TCERG1: variants seen among roughly 807,000 people sequenced by gnomAD.
TCERG1 encodes TATA box binding protein (TBP)-associated factor, RNA polymerase II, S, 150kD.
In TCERG1, 37 loss-of-function variants were observed where a neutral mutation model predicts 144.7. The ratio of observed to expected loss-of-function variants is 0.26; its 90% CI spans 0.20 to 0.34. The LOEUF is 0.34. Ranked by LOEUF, TCERG1 falls within the 10% of genes least tolerant of loss-of-function variation. TCERG1 has a pLI of 1.00. For missense variants in TCERG1, 1,027 were observed against 1,380.7 expected (o/e 0.74, Z 4.06); for synonymous variants, 492 against 458.2 (o/e 1.07, Z -0.94).
intron 17 of TCERG1, among the ~76,000 whole-genome samples, chr5:146,501,741 A>G (rs182072303): frequency 1.3e-5 from 2 of 152,282 alleles, no homozygotes; most frequent in Admixed American, 1.3e-4. Flanking sequence ...GTTTATGAGT[A>G]TTTCTTATTA....
intron 5 of TCERG1, among the ~76,000 whole-genome samples, chr5:146,465,514 T>A (rs1032548079): frequency 2.0e-5 from 3 of 152,198 alleles, no homozygotes; most frequent in African/African-American, 7.2e-5. Context: ...TATGATGACA[T>A]ATTTTGATGT....
intron 15 of TCERG1, among the ~76,000 whole-genome samples, chr5:146,486,935 C>A (rs528157517): frequency 6.6e-6 from 1 of 151,946 alleles, no homozygotes; most frequent in Non-Finnish European, 1.5e-5. Flanking sequence ...ACTAAAAATA[C>A]AAAAATTAGC....
chr5:146,491,551 A>G (rs913375544), intron 15 of TCERG1, among the ~76,000 whole-genome samples: 4 of 152,144 alleles, frequency 2.6e-5, no homozygotes, highest in African/African-American at 9.7e-5. Flanking sequence ...TAGGCTGGTC[A>G]GATTCCCAAT....
intron 9 of TCERG1, among the ~76,000 whole-genome samples, chr5:146,472,415 T>G (rs1340907956): frequency 1.3e-5 from 2 of 152,188 alleles, no homozygotes; most frequent in Non-Finnish European, 2.9e-5. Flanking sequence ...ATTTCAAACT[T>G]TTTCATTATT....
chr5:146,492,817 A>AT, intron 15 of TCERG1, 103 bp from the exon 16 acceptor site: 1 of 778,756 alleles, frequency 1.3e-6, no homozygotes, highest in East Asian at 2.8e-5. Context: ...CAGTTAATAT[A>AT]TTTTTCCTGG....
chr5:146,460,823 A>G (rs1273493189), intron 4 of TCERG1, among the ~76,000 whole-genome samples: 1 of 152,144 alleles, frequency 6.6e-6, no homozygotes, highest in African/African-American at 2.4e-5. Flanking sequence ...GTGAATTTTG[A>G]TATGAAAGTA....
chr5:146,510,594 AC>A lies in TCERG1; in HGVS notation c.3305del (p.Pro1102HisfsTer42). ...TTGATGACCTGGATCGCCGGGGTCC[AC>A]CCCCACCTCCCACAGCATCGGAGCC... The part of the protein sequence containing the change: ...YVDDLDRRGP[P>X]PPPTASEPTR... On this transcript the variant is annotated frameshift_variant, in exon 23 of 23. Coordinates refer to ENST00000679501, the MANE Select transcript of TCERG1 (RefSeq NM_001382548.1). LOFTEE classifies it high-confidence loss of function. The A allele has an allele frequency of 6.2e-7, 1 of 1,614,052 alleles. No homozygotes were observed. Among genetic ancestry groups the A allele is most frequent in the Non-Finnish European group, 8.5e-7 (1 of 1,180,010 alleles).
chr5:146,480,745 G>C (rs1158216969), intron 12 of TCERG1, among the ~76,000 whole-genome samples: 1 of 152,004 alleles, frequency 6.6e-6, no homozygotes, highest in Non-Finnish European at 1.5e-5. Context: ...TATCTGAAAA[G>C]GACAGATTGA....
chr5:146,510,122 G>A, intron 22 of TCERG1: 1 of 1,303,634 alleles, frequency 7.7e-7, no homozygotes, highest in African/African-American at 1.5e-5. Flanking sequence ...GGGATTGGCA[G>A]CCCCGCAGAC....
At position 146,459,988 on chromosome 5, in the gene TCERG1, G is replaced by T. The variant is rs367779812; in HGVS notation, c.892+651G>T. Among the ~76,000 whole-genome samples, 28 of 152,282 alleles carry T rather than the reference G, an allele frequency of 1.8e-4. No homozygotes were observed. In the South Asian group the frequency reaches 5.6e-3, roughly 30 times the overall value. ...TAGGTGAGACAGGCACTGGGGGCCT[G>T]TATAAATGCAGTATTTTGGAGGATT... On this transcript the variant is annotated intron_variant, in intron 4 of 22. Coordinates refer to ENST00000679501, the MANE Select transcript of TCERG1 (RefSeq NM_001382548.1).
In TCERG1 at chr5:146,458,998, G is replaced by A; in HGVS notation, c.553G>A (p.Ala185Thr). The A allele has an allele frequency of 6.2e-7, 1 of 1,613,098 alleles. No homozygotes were observed. The highest frequency in any genetic ancestry group is 8.5e-7 in the Non-Finnish European group (1 of 1,179,212). ...GCTTGCAGCCCAGGCACAGGTTCAG[G>A]CTCAGGCCCAGGCGCAGGCTCAGGC... ...PMLAAQAQVQ[A>T]QAQAQAQAQA... The change falls in exon 4 of 23, where the codon GCT becomes ACT. Residue 185 changes from alanine to threonine, a missense_variant. Around this residue, in one of 6 missense-constraint regions of TCERG1, gnomAD observed 48 missense variants for 80.9 expected, o/e 0.59. Coordinates refer to ENST00000679501, the MANE Select transcript of TCERG1 (RefSeq NM_001382548.1).
intron 13 of TCERG1, chr5:146,482,215 A>C (rs1176382374): frequency 6.5e-6 from 1 of 153,884 alleles, no homozygotes; most frequent in Non-Finnish European, 1.4e-5. Context: ...CTATATTTCA[A>C]GAACTAAAAA....
chr5:146,501,049 A>G (rs1767391131), intron 17 of TCERG1, among the ~76,000 whole-genome samples: 1 of 151,964 alleles, frequency 6.6e-6, no homozygotes, highest in Non-Finnish European at 1.5e-5. Context: ...TTTGTTTGCC[A>G]AAGTAACTAT....
intron 9 of TCERG1, 31 bp downstream of exon 9, chr5:146,471,607 T>G (rs1016668773): frequency 5.6e-6 from 9 of 1,593,152 alleles, no homozygotes; most frequent in Non-Finnish European, 7.7e-6. Flanking sequence ...GTAATTTTTT[T>G]TTTTTTTTTG....
intron 22 of TCERG1, chr5:146,510,139 C>T (rs1768344300): frequency 7.8e-7 from 1 of 1,275,090 alleles, no homozygotes. Flanking sequence ...AGACTGAAGT[C>T]CTCTGTTCAT....
intron 15 of TCERG1, among the ~76,000 whole-genome samples, chr5:146,487,519 G>A (rs543243482): frequency 3.3e-5 from 5 of 152,234 alleles, no homozygotes; most frequent in Admixed American, 1.3e-4. Context: ...AACCAAGGCA[G>A]GAGATCACTT....
chr5:146,451,906 A>C (rs567868326), intron 1 of TCERG1, among the ~76,000 whole-genome samples: 1 of 149,902 alleles, frequency 6.7e-6, no homozygotes, highest in Non-Finnish European at 1.5e-5. Context: ...TCATGCCTCA[A>C]CCTCTCAAGT....
rs200368754 is a variant in TCERG1, at chr5:146,455,324, T to C, written c.285+43T>C. The C allele has an allele frequency of 3.2e-5, 52 of 1,604,466 alleles. No individual in the cohort carries two copies. In the African/African-American group the frequency reaches 4.3e-4, roughly 13 times the overall value. On this transcript the variant is annotated intron_variant, in intron 2 of 22. Coordinates refer to ENST00000679501, the MANE Select transcript of TCERG1 (RefSeq NM_001382548.1). ...TGCCATTTCTTTGTTGGCATCATTA[T>C]CAATATTATATATGGGTTTTGAGTT...
chr5:146,503,884 C>T lies in TCERG1; in HGVS notation c.2659C>T (p.Arg887Ter). Reference protein sequence around the residue: ...ERQARIEASLREREREVQKAR... With the variant: ...ERQARIEASL ...GCAAGCCCGCATTGAGGCAAGCCTT[C>T]GAGAACGAGAAAGGGAGGTTCAAAA... Residue 887 changes from arginine to a stop codon, truncating the protein, a stop_gained, in exon 19 of 23, where the codon CGA (arginine) becomes TGA (stop). Transcript: ENST00000679501. LOFTEE classifies it high-confidence loss of function. The T allele has an allele frequency of 1.2e-6, 2 of 1,611,718 alleles. No homozygotes were observed. The highest frequency in any genetic ancestry group is 1.7e-6 in the Non-Finnish European group (2 of 1,179,090).
Sources: allele counts gnomAD v4.1 joint callset (sites outside exome capture counted in the v4.1 genomes callset), GRCh38; gene constraint gnomAD v4.1.1; regional missense constraint gnomAD v4.1.1; transcripts MANE v1.5; gene names NCBI Gene and HGNC (gene_info 2026-07-23, HGNC 2026-07-21).